The following TP53BP2 variants were observed in gnomAD, a reference collection of about 807,000 sequenced individuals.
The protein encoded by TP53BP2 is tumor protein p53 binding protein 2.
Under a neutral mutation model 126.2 loss-of-function variants are expected in TP53BP2, and 62 were observed. The observed-to-expected ratio is 0.49, with a 90% CI of 0.40 to 0.61. The LOEUF (loss-of-function observed/expected upper bound fraction) is 0.61, where lower values mean the gene tolerates loss of function less well. TP53BP2 is among the 20% of genes least tolerant of loss of function. The pLI, the probability that TP53BP2 is intolerant of heterozygous loss-of-function variation, is 0.00. For missense variants in TP53BP2, 1,215 were observed against 1,402.8 expected, an observed-to-expected ratio of 0.87 and a Z score of 2.14; for synonymous variants, 485 against 502.9, an observed-to-expected ratio of 0.96 and a Z score of 0.48.
At chr1:223,818,502 C>CAAAAAAAAA (rs60296469) in intron 2 of TP53BP2, among the ~76,000 whole-genome samples, 1 of 88,188 alleles carries the variant, frequency 1.1e-5, no homozygotes, top group Admixed American at 1.2e-4. Flanking sequence ...GACTCCATCT[C>CAAAAAAAAA]AAAAAAAAAA....
intron 12 of TP53BP2, among the ~76,000 whole-genome samples, chr1:223,797,467 G>A (rs1662364611): frequency 1.3e-5 from 2 of 151,778 alleles, no homozygotes; most frequent in Non-Finnish European, 2.9e-5. Flanking sequence ...TGCCCAGGCT[G>A]GAGTGCACCA....
intron 7 of TP53BP2, 159 bp downstream of exon 7, chr1:223,803,112 T>C: frequency 2.0e-6 from 2 of 1,006,616 alleles, no homozygotes; most frequent in East Asian, 4.8e-5. Flanking sequence ...TAGGGTACTA[T>C]AAAGTTTACT....
intron 3 of TP53BP2, 92 bp downstream of exon 3, chr1:223,814,148 A>C: frequency 1.1e-6 from 1 of 914,294 alleles, no homozygotes. Context: ...TTCACCTCTC[A>C]AATTACCTGG....
At chr1:223,829,405 T>C (rs1170536007) in intron 1 of TP53BP2, among the ~76,000 whole-genome samples, 1 of 152,136 alleles carries the variant, frequency 6.6e-6, no homozygotes, top group African/African-American at 2.4e-5. Context: ...GATTATGAAC[T>C]GAGGTAGACG....
intron 1 of TP53BP2, among the ~76,000 whole-genome samples, chr1:223,839,378 T>C (rs542275009): frequency 1.1e-3 from 175 of 152,340 alleles, no homozygotes; most frequent in Non-Finnish European, 2.2e-3. Context: ...AGGGGGCTCC[T>C]CTTCATCCCT....
In TP53BP2 at chr1:223,793,282, AT is replaced by A; in HGVS notation, c.2862+20del. On this transcript the variant is annotated intron_variant, in intron 14 of 17. Coordinates refer to ENST00000343537, the MANE Select transcript of TP53BP2 (RefSeq NM_001031685.3). ...GCGAGACTCTGACTCAAAAAAAAAAATTTACTAATTATAATCATACCTCATA... is the reference window on the plus strand; with the variant it reads ...GCGAGACTCTGACTCAAAAAAAAAAATTACTAATTATAATCATACCTCATA... 1.3e-6 allele frequency: 2 copies of A among 1,520,282 alleles called. No individual in the cohort carries two copies. The highest frequency in any genetic ancestry group is 1.4e-5 in the South Asian group (1 of 73,592). The allele number at this position is 1,520,282 out of a possible 1,614,324, so 94.2% of individuals were successfully genotyped here.
At chr1:223,789,825 T>C (rs1662088249) in intron 15 of TP53BP2, among the ~76,000 whole-genome samples, 1 of 152,148 alleles carries the variant, frequency 6.6e-6, no homozygotes, top group Non-Finnish European at 1.5e-5. Flanking sequence ...TGTTTTATAA[T>C]AGATTATAAA....
At chr1:223,820,954 T>A in intron 2 of TP53BP2, 1 of 500,344 alleles carries the variant, frequency 2.0e-6, no homozygotes, top group Non-Finnish European at 3.6e-6. Context: ...ACAAAGACAC[T>A]GTTGAGCACC....
chr1:223,832,688 C>T (rs978886125), intron 1 of TP53BP2, among the ~76,000 whole-genome samples: 2 of 152,200 alleles, frequency 1.3e-5, no homozygotes, highest in Non-Finnish European at 2.9e-5. Flanking sequence ...AGATGCCGAC[C>T]CTTCCAGTCC....
intron 1 of TP53BP2, among the ~76,000 whole-genome samples, chr1:223,825,732 C>T (rs1192984423): frequency 1.3e-5 from 2 of 152,134 alleles, no homozygotes; most frequent in Admixed American, 6.5e-5. Flanking sequence ...GGTAATACTA[C>T]AGACAGTACA....
At chr1:223,786,659 T>C (rs890339611) in intron 16 of TP53BP2, among the ~76,000 whole-genome samples, 1 of 150,868 alleles carries the variant, frequency 6.6e-6, no homozygotes, top group African/African-American at 2.4e-5. Context: ...CAGGCTGGAG[T>C]GCAGTGGCGT....
At chr1:223,819,542 C>T (rs1481974838) in intron 2 of TP53BP2, among the ~76,000 whole-genome samples, 14 of 151,612 alleles carry the variant, frequency 9.2e-5, no homozygotes, top group African/African-American at 3.1e-4. Context: ...AAAAATTAGG[C>T]GGGCATGGGG....
intron 4 of TP53BP2, among the ~76,000 whole-genome samples, chr1:223,809,853 T>G (rs905424128): frequency 1.3e-5 from 2 of 151,116 alleles, no homozygotes; most frequent in Non-Finnish European, 3.0e-5. Context: ...TGAGACAGAG[T>G]GTCACTCTTG....
chr1:223,810,296 A>G, intron 4 of TP53BP2, 135 bp downstream of exon 4: 2 of 570,990 alleles, frequency 3.5e-6, no homozygotes, highest in Middle Eastern at 9.5e-4. Context: ...AGTTTCTATG[A>G]AACAAATTTA....
chr1:223,799,742 C>A (rs374582742), intron 11 of TP53BP2, among the ~76,000 whole-genome samples, 157 bp downstream of exon 11: 3 of 152,208 alleles, frequency 2.0e-5, no homozygotes, highest in Non-Finnish European at 4.4e-5. Flanking sequence ...AACAGACTCA[C>A]GCAAGAGAAA....
At chr1:223,809,010 T>C (rs1263886574) in intron 4 of TP53BP2, among the ~76,000 whole-genome samples, 1 of 152,098 alleles carries the variant, frequency 6.6e-6, no homozygotes, top group African/African-American at 2.4e-5. Context: ...CTGGTGGGCA[T>C]GTAAAATAAT....
At chr1:223,803,036 A>G in intron 7 of TP53BP2, 141 bp from the exon 8 acceptor site, 1 of 996,884 alleles carries the variant, frequency 1.0e-6, no homozygotes, top group Non-Finnish European at 1.4e-6. Flanking sequence ...CTCATGGTTT[A>G]AAATTAAGTG....
At chr1:223,825,248 C>T (rs528745425) in intron 1 of TP53BP2, among the ~76,000 whole-genome samples, 1 of 152,280 alleles carries the variant, frequency 6.6e-6, no homozygotes, top group East Asian at 1.9e-4. Flanking sequence ...CAAGTACACA[C>T]TAAGTATTAA....
chr1:223,830,477 C>A (rs1229028777), intron 1 of TP53BP2, among the ~76,000 whole-genome samples: 1 of 151,498 alleles, frequency 6.6e-6, no homozygotes, highest in Non-Finnish European at 1.5e-5. Context: ...TAAAATAAAT[C>A]ATGTATCAAA....
Sources: gnomAD v4.1 joint callset for allele counts (sites outside exome capture counted in the v4.1 genomes callset) on GRCh38, gnomAD v4.1.1 for gene constraint, MANE v1.5 for transcripts, NCBI Gene and HGNC (gene_info 2026-07-23, HGNC 2026-07-21) for gene names.